CYYR1: variants seen among roughly 807,000 people sequenced by gnomAD.
The protein encoded by CYYR1 is cysteine and tyrosine rich 1.
In CYYR1, 14 loss-of-function variants were observed where a neutral mutation model predicts 15.2. The observed-to-expected ratio is 0.92, with a 90% confidence interval of 0.61 to 1.44. The LOEUF is 1.44. Ranked by LOEUF, CYYR1 falls within the 40% of genes most tolerant of loss-of-function variation. The probability of loss-of-function intolerance (pLI) is 0.00; values close to 1 mark genes in which losing one functional copy is unlikely to be tolerated. For missense variants in CYYR1, 228 were observed against 209.5 expected (o/e 1.09, Z -0.54); for synonymous variants, 80 against 77.4 (o/e 1.03, Z -0.18).
At chr21:26,571,780 G>T (rs1383687853) in intron 1 of CYYR1, among the ~76,000 whole-genome samples, 1 of 152,074 alleles carries the variant, frequency 6.6e-6, no homozygotes, top group African/African-American at 2.4e-5. Flanking sequence ...TAAATACGAA[G>T]AACTTATCCT....
At chr21:26,483,557 C>A (rs1327124446) in intron 2 of CYYR1, 1 of 393,064 alleles carries the variant, frequency 2.5e-6, no homozygotes, top group East Asian at 1.6e-4. Context: ...TCCATGAAAG[C>A]ATTCTCCAAT....
intron 2 of CYYR1, among the ~76,000 whole-genome samples, chr21:26,495,507 G>T (rs2065386926): frequency 6.6e-6 from 1 of 152,108 alleles, no homozygotes; most frequent in Admixed American, 6.6e-5. Flanking sequence ...GCATTGGAGG[G>T]TTGTCTAATT....
intron 2 of CYYR1, among the ~76,000 whole-genome samples, chr21:26,544,635 C>A (rs1978820988): frequency 6.6e-6 from 1 of 151,828 alleles, no homozygotes; most frequent in Admixed American, 6.6e-5. Context: ...TCCTGGTGAC[C>A]CTGAAGAAAC....
At chr21:26,549,629 G>A (rs765806354) in intron 2 of CYYR1, among the ~76,000 whole-genome samples, 2 of 152,014 alleles carry the variant, frequency 1.3e-5, no homozygotes, top group Non-Finnish European at 2.9e-5. Context: ...GGCTGCAATG[G>A]GTATTTGATG....
At chr21:26,517,326 A>G (rs183570098) in intron 2 of CYYR1, among the ~76,000 whole-genome samples, 1 of 152,282 alleles carries the variant, frequency 6.6e-6, no homozygotes, top group Admixed American at 6.5e-5. Flanking sequence ...TTAATATGGT[A>G]TTACTTCTAA....
chr21:26,553,723 T>C (rs2123692444), intron 2 of CYYR1, among the ~76,000 whole-genome samples: 1 of 152,282 alleles, frequency 6.6e-6, no homozygotes, highest in South Asian at 2.1e-4. Flanking sequence ...TTATGCTCAG[T>C]AGGAGGCAGA....
intron 2 of CYYR1, among the ~76,000 whole-genome samples, chr21:26,542,629 G>C (rs577176941): frequency 6.6e-6 from 1 of 151,972 alleles, no homozygotes; most frequent in Non-Finnish European, 1.5e-5. Flanking sequence ...AATATTTCCA[G>C]AGACATAAAG....
chr21:26,534,639 T>C (rs2065973396), intron 2 of CYYR1, among the ~76,000 whole-genome samples: 1 of 152,158 alleles, frequency 6.6e-6, no homozygotes, highest in Non-Finnish European at 1.5e-5. Context: ...ATGACTCTCA[T>C]GGACATCCTC....
intron 2 of CYYR1, among the ~76,000 whole-genome samples, chr21:26,545,173 A>G (rs1342306711): frequency 6.6e-6 from 1 of 152,148 alleles, no homozygotes; most frequent in Non-Finnish European, 1.5e-5. Context: ...TTTATTACAA[A>G]TAAAAAGTAT....
At chr21:26,469,749 T>G (rs897765734) in intron 3 of CYYR1, among the ~76,000 whole-genome samples, 1 of 152,144 alleles carries the variant, frequency 6.6e-6, no homozygotes, top group Non-Finnish European at 1.5e-5. Flanking sequence ...TTTATATCCT[T>G]TAATAAATTT....
chr21:26,560,222 T>G (rs1335162118), intron 2 of CYYR1, among the ~76,000 whole-genome samples: 1 of 152,214 alleles, frequency 6.6e-6, no homozygotes, highest in Admixed American at 6.5e-5. Flanking sequence ...TTAGATTTAT[T>G]TATGCACATA....
At chr21:26,511,987 T>TACACACAC (rs61382991) in intron 2 of CYYR1, among the ~76,000 whole-genome samples, 37,099 of 148,072 alleles carry the variant, frequency 0.25, 4,849 homozygotes, top group Non-Finnish European at 0.3. Context: ...ATATCACACA[T>TACACACAC]ACACACACAC....
At position 26,489,310 on chromosome 21, in the gene CYYR1, A is replaced by T. The variant is rs990016266; in HGVS notation, c.177-8881T>A. ...TTGTAGATTGTAGGGTGATCTACAG[A>T]ATAACACTTTATCACTAGAGTTCAA... On this transcript the variant is annotated intron_variant, in intron 2 of 3. Transcript: ENST00000652641. Among the ~76,000 whole-genome samples the T allele has an allele frequency of 3.3e-5, 5 of 152,180 alleles. No individual in the cohort carries two copies. In the South Asian group the frequency reaches 1.0e-3, roughly 31 times the overall value.
chr21:26,547,983 T>G (rs73351169), intron 2 of CYYR1, among the ~76,000 whole-genome samples: 23 of 152,274 alleles, frequency 1.5e-4, no homozygotes, highest in African/African-American at 5.5e-4. Flanking sequence ...CATTTAAACC[T>G]TGTAGCAACC....
intron 2 of CYYR1, among the ~76,000 whole-genome samples, chr21:26,527,138 C>A (rs940143433): frequency 6.6e-6 from 1 of 152,030 alleles, no homozygotes; most frequent in East Asian, 1.9e-4. Flanking sequence ...CTATTCTGCA[C>A]GAGAAACACA....
chr21:26,480,228 T>C, intron 3 of CYYR1, 44 bp downstream of exon 3: 1 of 1,559,122 alleles, frequency 6.4e-7, no homozygotes, highest in South Asian at 1.2e-5. Flanking sequence ...GAGCAGAGGA[T>C]AACTAGCAAA....
chr21:26,490,245 A>G (rs2065309881), intron 2 of CYYR1, among the ~76,000 whole-genome samples: 1 of 152,074 alleles, frequency 6.6e-6, no homozygotes, highest in Admixed American at 6.6e-5. Flanking sequence ...GGTTGCAGTG[A>G]GCCAAGATAG....
At chr21:26,508,953 G>A (rs1471860803) in intron 2 of CYYR1, among the ~76,000 whole-genome samples, 2 of 152,122 alleles carry the variant, frequency 1.3e-5, no homozygotes, top group Non-Finnish European at 2.9e-5. Context: ...ACACATGATC[G>A]AATACACATT....
intron 2 of CYYR1, among the ~76,000 whole-genome samples, chr21:26,521,023 G>A (rs917266441): frequency 6.6e-6 from 1 of 152,110 alleles, no homozygotes. Context: ...CACATACTGG[G>A]TCCCGTCAGG....
Sources: gnomAD v4.1 joint callset for allele counts (sites outside exome capture counted in the v4.1 genomes callset) on GRCh38, gnomAD v4.1.1 for gene constraint, MANE v1.5 for transcripts, NCBI Gene and HGNC (gene_info 2026-07-23, HGNC 2026-07-21) for gene names.